Variants in NCKAP5 observed in about 807,000 individuals in gnomAD.
NCKAP5 encodes the protein NCK associated protein 5.
In NCKAP5, 92 loss-of-function variants were observed where a neutral mutation model predicts 167.0. That is an observed-to-expected ratio of 0.55 (90% CI 0.47 to 0.66). NCKAP5 has a LOEUF of 0.66. Among genes scored for constraint, NCKAP5 ranks in the 30% least tolerant of loss-of-function variants. The probability of loss-of-function intolerance (pLI) is 0.00; values close to 1 mark genes in which losing one functional copy is unlikely to be tolerated. For missense variants in NCKAP5, 2,378 were observed against 2,315.0 expected (o/e 1.03, Z -0.56); for synonymous variants, 891 against 877.4 (o/e 1.02, Z -0.27).
the NCKAP5 span, among the ~76,000 whole-genome samples, chr2:133,656,612 T>C: frequency 6.6e-6 from 1 of 152,174 alleles, no homozygotes. Flanking sequence ...CAGAGCTTCC[T>C]CTCTTTCCAG....
At chr2:133,640,842 T>C in the NCKAP5 span, among the ~76,000 whole-genome samples, 1 of 152,206 alleles carries the variant, frequency 6.6e-6, no homozygotes, top group Non-Finnish European at 1.5e-5. Context: ...CCAACAAATA[T>C]GAACAACTGC....
chr2:133,618,076 G>A, the NCKAP5 span, among the ~76,000 whole-genome samples: 32 of 150,016 alleles, frequency 2.1e-4, no homozygotes, highest in African/African-American at 7.5e-4. Flanking sequence ...TTTAATAAAT[G>A]GTGCTGGGAA....
chr2:132,992,180 T>C (rs1223663326), intron 7 of NCKAP5, among the ~76,000 whole-genome samples: 1 of 152,194 alleles, frequency 6.6e-6, no homozygotes, highest in Non-Finnish European at 1.5e-5. Flanking sequence ...GAAATATCCC[T>C]ATCATGTGAC....
intron 6 of NCKAP5, among the ~76,000 whole-genome samples, chr2:133,041,566 G>A (rs2079218960): frequency 6.6e-6 from 1 of 152,002 alleles, no homozygotes; most frequent in African/African-American, 2.4e-5. Context: ...GCATTGATGT[G>A]GTCATTAGTC....
chr2:132,810,343 C>T (rs1016119340), intron 11 of NCKAP5, among the ~76,000 whole-genome samples: 1 of 152,188 alleles, frequency 6.6e-6, no homozygotes, highest in East Asian at 1.9e-4. Flanking sequence ...GAAAGTTTTC[C>T]TGGATTATTC....
At chr2:133,473,248 C>T (rs1679518295) in intron 3 of NCKAP5, among the ~76,000 whole-genome samples, 1 of 152,054 alleles carries the variant, frequency 6.6e-6, no homozygotes, top group South Asian at 2.1e-4. Context: ...AGGAGAATCG[C>T]TTGAACCCGG....
At chr2:133,146,486 T>C (rs891925179) in intron 5 of NCKAP5, among the ~76,000 whole-genome samples, 6 of 152,132 alleles carry the variant, frequency 3.9e-5, no homozygotes, top group Non-Finnish European at 7.4e-5. Flanking sequence ...AATCTTTTAA[T>C]CTGGGACTTT....
intron 3 of NCKAP5, among the ~76,000 whole-genome samples, chr2:133,439,101 T>G (rs963970030): frequency 6.6e-6 from 1 of 152,240 alleles, no homozygotes; most frequent in Non-Finnish European, 1.5e-5. Flanking sequence ...AAAAGAGAGA[T>G]AGCATCCACA....
intron 8 of NCKAP5, among the ~76,000 whole-genome samples, chr2:132,947,611 T>C (rs1697851605): frequency 6.6e-6 from 1 of 152,142 alleles, no homozygotes; most frequent in South Asian, 2.1e-4. Flanking sequence ...TGAAATCTAC[T>C]GCCTGGGAAA....
chr2:133,615,644 C>T, the NCKAP5 span, among the ~76,000 whole-genome samples: 1 of 152,172 alleles, frequency 6.6e-6, no homozygotes, highest in Non-Finnish European at 1.5e-5. Context: ...CACCCAGATT[C>T]ATAAAGCAAT....
intron 8 of NCKAP5, among the ~76,000 whole-genome samples, chr2:132,946,824 G>A (rs762626035): frequency 6.6e-6 from 1 of 152,174 alleles, no homozygotes; most frequent in Non-Finnish European, 1.5e-5. Flanking sequence ...CTTGAGCCTG[G>A]GAGGTGGAAG....
intron 8 of NCKAP5, among the ~76,000 whole-genome samples, chr2:132,923,609 C>T (rs1270739620): frequency 1.3e-5 from 2 of 152,076 alleles, no homozygotes; most frequent in Non-Finnish European, 2.9e-5. Flanking sequence ...ACCTAATGGG[C>T]TCTTTACAGA....
chr2:133,431,892 G>T (rs1690183349), intron 3 of NCKAP5: 1 of 152,110 alleles, frequency 6.6e-6, no homozygotes, highest in Non-Finnish European at 1.5e-5. Context: ...GAGTATAAAG[G>T]TTCAAGAACT....
At chr2:133,041,782 T>C (rs2079226516) in intron 6 of NCKAP5, among the ~76,000 whole-genome samples, 1 of 152,178 alleles carries the variant, frequency 6.6e-6, no homozygotes, top group Non-Finnish European at 1.5e-5. Flanking sequence ...TTGTTCTATA[T>C]TGATTAAAAG....
At chr2:133,047,070 A>G (rs2149473843) in intron 6 of NCKAP5, among the ~76,000 whole-genome samples, 1 of 152,328 alleles carries the variant, frequency 6.6e-6, no homozygotes, top group South Asian at 2.1e-4. Flanking sequence ...ACTATTCCAC[A>G]CATACCTTAG....
the NCKAP5 span, among the ~76,000 whole-genome samples, chr2:133,652,724 C>G: frequency 6.6e-6 from 1 of 152,300 alleles, no homozygotes; most frequent in South Asian, 2.1e-4. Flanking sequence ...GAATCCATTG[C>G]CTGTCTAAAT....
intron 4 of NCKAP5, among the ~76,000 whole-genome samples, chr2:133,252,547 G>A (rs1265005272): frequency 3.3e-5 from 5 of 152,166 alleles, no homozygotes; most frequent in Admixed American, 6.5e-5. Context: ...AGGTCTTTGC[G>A]TACAGTAATG....
intron 3 of NCKAP5, among the ~76,000 whole-genome samples, chr2:133,468,633 G>T (rs1409677816): frequency 1.3e-5 from 2 of 152,140 alleles, no homozygotes; most frequent in African/African-American, 4.8e-5. Flanking sequence ...CATTATTAAT[G>T]TGTGGGAATC....
chr2:133,397,874 C>G (rs1420925516), intron 3 of NCKAP5, among the ~76,000 whole-genome samples: 3 of 152,154 alleles, frequency 2.0e-5, no homozygotes, highest in Non-Finnish European at 4.4e-5. Context: ...AAGAGATTCT[C>G]AGGCAAGGAG....
Sources: gnomAD v4.1 joint callset for allele counts (sites outside exome capture counted in the v4.1 genomes callset) on GRCh38, gnomAD v4.1.1 for gene constraint, MANE v1.5 for transcripts, NCBI Gene and HGNC (gene_info 2026-07-23, HGNC 2026-07-21) for gene names.